Variants in DAB2IP observed in about 807,000 individuals in gnomAD.
DAB2IP encodes disabled homolog 2-interacting protein.
DAB2IP carries 28 observed loss-of-function variants against 107.2 expected under a neutral mutation model. The ratio of observed to expected loss-of-function variants is 0.26; its 90% CI spans 0.19 to 0.36. The LOEUF is 0.36. DAB2IP is among the 10% of genes least tolerant of loss of function. The pLI, the probability that DAB2IP is intolerant of heterozygous loss-of-function variation, is 1.00. For synonymous variants in DAB2IP, 755 were observed against 706.4 expected (o/e 1.07, Z -1.09); for missense variants, 1,400 against 1,644.7 (o/e 0.85, Z 2.57).
chr9:121,778,720 G>A (rs1835383337), intron 14 of DAB2IP, among the ~76,000 whole-genome samples: 1 of 152,160 alleles, frequency 6.6e-6, no homozygotes, highest in African/African-American at 2.4e-5. Context: ...CAGCTCTGCT[G>A]TTACAGCAGA....
chr9:121,612,066 C>T (rs1305847958), intron 1 of DAB2IP, among the ~76,000 whole-genome samples: 1 of 152,048 alleles, frequency 6.6e-6, no homozygotes, highest in Non-Finnish European at 1.5e-5. Flanking sequence ...GAACTTACTG[C>T]CTTTGGTGAA....
At chr9:121,755,019 G>A (rs753548276) in intron 3 of DAB2IP, among the ~76,000 whole-genome samples, 15 of 152,198 alleles carry the variant, frequency 9.9e-5, no homozygotes, top group South Asian at 4.1e-4. Context: ...CAGGCAGGGC[G>A]TCTCTTCCAC....
intron 3 of DAB2IP, among the ~76,000 whole-genome samples, chr9:121,716,825 A>G (rs1830628666): frequency 6.6e-6 from 1 of 152,224 alleles, no homozygotes; most frequent in South Asian, 2.1e-4. Flanking sequence ...ATTCAGTGCC[A>G]CACGTTTCCC....
chr9:121,782,828 T>C lies in DAB2IP; in HGVS notation c.*330T>C. The C allele has an allele frequency of 8.8e-7, 1 of 1,130,624 alleles. No homozygotes were observed. Among genetic ancestry groups the C allele is most frequent in the Non-Finnish European group, 1.1e-6 (1 of 919,434 alleles). 70.0% of individuals were successfully genotyped at this position (1,130,624 alleles called of 1,614,324 possible). A position where few individuals can be genotyped will look rare whatever the true frequency, so the allele number is the denominator to read the frequency against. The stretch of plus-strand genomic sequence containing the variant: ...TGGTGTGTCCTTGTCCTCCTGGATC[T>C]GGCCGAGTGCATGTGTCCCCCCACA... On this transcript the variant is annotated 3_prime_UTR_variant, in exon 16 of 16. Transcript: ENST00000408936. This position sits in a 1 kb window ranked among gnomAD's most constrained non-coding sequence, Gnocchi z 6.1.
chr9:121,605,777 G>T (rs1486324520), intron 1 of DAB2IP, among the ~76,000 whole-genome samples: 1 of 152,106 alleles, frequency 6.6e-6, no homozygotes, highest in Non-Finnish European at 1.5e-5. Flanking sequence ...AAGTGCTGGG[G>T]TTGTATGCAT....
At chr9:121,676,517 C>T (rs1360430855) in intron 1 of DAB2IP, among the ~76,000 whole-genome samples, 1 of 152,218 alleles carries the variant, frequency 6.6e-6, no homozygotes, top group South Asian at 2.1e-4. Flanking sequence ...TGTCCTTCTT[C>T]TCCCTTGCGA....
At position 121,633,296 on chromosome 9, in the gene DAB2IP, C is replaced by T. The variant is rs1252211339; in HGVS notation, c.41-45382C>T. The stretch of plus-strand genomic sequence containing the variant: ...GAGAGGACATTCCCGCTTGACCCTC[C>T]CCAGGCCTATAAATTAATCATGTGC... On this transcript the variant is annotated intron_variant, in intron 1 of 16. Coordinates refer to the DAB2IP transcript ENST00000259371. The surrounding 1 kb of genome is among the most constrained non-coding windows in gnomAD (Gnocchi z 5.1). Among the ~76,000 whole-genome samples, 1 of 152,082 alleles carries T rather than the reference C, an allele frequency of 6.6e-6. No individual in the cohort carries two copies. The highest frequency in any genetic ancestry group is 1.9e-4 in the East Asian group (1 of 5,182).
chr9:121,680,284 A>G (rs76309634), intron 2 of DAB2IP, among the ~76,000 whole-genome samples: 4,914 of 152,332 alleles, frequency 0.032, 280 homozygotes, highest in African/African-American at 0.11. Context: ...GTATGTTATA[A>G]AAATGCCTTA....
chr9:121,597,948 A>C (rs1226506836), intron 1 of DAB2IP, among the ~76,000 whole-genome samples: 1 of 152,194 alleles, frequency 6.6e-6, no homozygotes, highest in Non-Finnish European at 1.5e-5. Context: ...TGGGGCTGAG[A>C]CCCCATTTCT....
chr9:121,756,684 T>G (rs894852419), intron 3 of DAB2IP, among the ~76,000 whole-genome samples: 1 of 152,260 alleles, frequency 6.6e-6, no homozygotes, highest in Non-Finnish European at 1.5e-5. Flanking sequence ...AGGCGGGCTT[T>G]CCTTGGGTCT....
intron 3 of DAB2IP, among the ~76,000 whole-genome samples, chr9:121,753,404 G>T (rs573999166): frequency 1.3e-5 from 2 of 152,220 alleles, no homozygotes; most frequent in African/African-American, 2.4e-5. Flanking sequence ...GGAGGATGCC[G>T]TGGGCCATGC....
intron 1 of DAB2IP, among the ~76,000 whole-genome samples, chr9:121,580,162 T>C (rs1219044586): frequency 6.6e-6 from 1 of 152,204 alleles, no homozygotes; most frequent in Non-Finnish European, 1.5e-5. Flanking sequence ...GTTGGAGCCC[T>C]GGTCTTTGCT....
chr9:121,599,713 A>G lies in DAB2IP; in HGVS notation c.40+32485A>G, dbSNP rs1260604357. Among the ~76,000 whole-genome samples, 1 of 151,750 alleles carries G rather than the reference A, an allele frequency of 6.6e-6. No homozygotes were observed. The highest frequency in any genetic ancestry group is 1.5e-5 in the Non-Finnish European group (1 of 67,928). On this transcript the variant is annotated intron_variant, in intron 1 of 16. Transcript: ENST00000259371. The surrounding 1 kb of genome is among the most constrained non-coding windows in gnomAD (Gnocchi z 6.9). Reference sequence around the variant, plus strand: ...TCGCAACCCTGGCCCTGGGCCGCTCAGGCTCCGGAGCCTTTGGGATGGCAG... The same window carrying G: ...TCGCAACCCTGGCCCTGGGCCGCTCGGGCTCCGGAGCCTTTGGGATGGCAG...
chr9:121,621,877 A>G (rs1369068478), intron 1 of DAB2IP, among the ~76,000 whole-genome samples: 1 of 145,910 alleles, frequency 6.9e-6, no homozygotes, highest in African/African-American at 2.5e-5. Flanking sequence ...CTGGTCTCGA[A>G]CTCCTGACCT....
chr9:121,676,864 G>C (rs1833937704), intron 1 of DAB2IP, among the ~76,000 whole-genome samples: 1 of 152,212 alleles, frequency 6.6e-6, no homozygotes, highest in Non-Finnish European at 1.5e-5. Context: ...TGGCAAAGAG[G>C]CAGCTGGTGC....
chr9:121,771,345 T>TA (rs1834713543), intron 11 of DAB2IP, among the ~76,000 whole-genome samples: 1 of 152,202 alleles, frequency 6.6e-6, no homozygotes, highest in South Asian at 2.1e-4. Flanking sequence ...GCTCTACCCC[T>TA]ACTCTCCCCT....
At chr9:121,601,632 G>A (rs1830685632) in intron 1 of DAB2IP, among the ~76,000 whole-genome samples, 1 of 152,122 alleles carries the variant, frequency 6.6e-6, no homozygotes. Context: ...TATTTATTGA[G>A]TGTTTATTAT....
chr9:121,632,810 C>A (rs1414928367), intron 1 of DAB2IP, among the ~76,000 whole-genome samples: 3 of 152,206 alleles, frequency 2.0e-5, no homozygotes, highest in African/African-American at 7.2e-5. Context: ...TGTGAGTGAG[C>A]GCTGGAGCCT....
intron 3 of DAB2IP, among the ~76,000 whole-genome samples, chr9:121,714,286 T>C (rs1185142821): frequency 6.6e-6 from 1 of 152,220 alleles, no homozygotes; most frequent in African/African-American, 2.4e-5. Context: ...GCCTAATTGC[T>C]CTGTTGCTGC....
Sources: gnomAD v4.1 joint callset for allele counts (sites outside exome capture counted in the v4.1 genomes callset) on GRCh38, gnomAD v4.1.1 for gene constraint, Gnocchi (gnomAD v3.1) non-coding constraint, MANE v1.5 for transcripts, NCBI Gene and HGNC (gene_info 2026-07-23, HGNC 2026-07-21) for gene names.